CATSPERT: variants seen among roughly 807,000 people sequenced by gnomAD.
The protein encoded by CATSPERT is catsper channel auxiliary subunit tau.
At chr2:201,547,484 A>G in the CATSPERT span, 1 of 1,256,788 alleles carries the variant, frequency 8.0e-7, no homozygotes, top group Non-Finnish European at 1.1e-6. Flanking sequence ...TATATATAGG[A>G]GAATGTATTA....
At chr2:201,602,407 A>G in the CATSPERT span, among the ~76,000 whole-genome samples, 1 of 152,130 alleles carries the variant, frequency 6.6e-6, no homozygotes, top group African/African-American at 2.4e-5. Flanking sequence ...CTCATTATAC[A>G]GAATTATTTT....
the CATSPERT span, chr2:201,487,545 A>G: frequency 7.1e-7 from 1 of 1,400,618 alleles, no homozygotes; most frequent in Non-Finnish European, 9.8e-7. Context: ...TGATATTCTG[A>G]CTGCTGGCCT....
the CATSPERT span, among the ~76,000 whole-genome samples, chr2:201,606,445 T>C: frequency 1.7e-4 from 26 of 152,332 alleles, no homozygotes; most frequent in East Asian, 5.0e-3. Flanking sequence ...AAGTCTATTT[T>C]TATCCAACAA....
the CATSPERT span, among the ~76,000 whole-genome samples, chr2:201,580,569 T>A: frequency 6.6e-5 from 10 of 152,224 alleles, no homozygotes; most frequent in Non-Finnish European, 1.2e-4. Flanking sequence ...AGTCACGAAT[T>A]TTCCTTTATT....
At chr2:201,491,640 G>A in the CATSPERT span, 3 of 1,537,084 alleles carry the variant, frequency 2.0e-6, no homozygotes, top group Non-Finnish European at 1.7e-6. Flanking sequence ...AAGTGATTCT[G>A]TTTAAGTACT....
chr2:201,560,949 A>G, the CATSPERT span, among the ~76,000 whole-genome samples: 4 of 151,922 alleles, frequency 2.6e-5, no homozygotes, highest in South Asian at 4.2e-4. Flanking sequence ...CGCCTGGCTA[A>G]TTTTTGAATT....
chr2:201,546,998 T>C, the CATSPERT span, among the ~76,000 whole-genome samples: 1 of 152,034 alleles, frequency 6.6e-6, no homozygotes, highest in Non-Finnish European at 1.5e-5. Flanking sequence ...CTTAAAAACA[T>C]AGCAAGCAAA....
chr2:201,492,541 G>T, the CATSPERT span: 14 of 1,535,758 alleles, frequency 9.1e-6, no homozygotes, highest in East Asian at 7.4e-5. Flanking sequence ...GACACTTTTA[G>T]TCCTTAGAGA....
chr2:201,492,503 C>T, the CATSPERT span: 185 of 1,535,636 alleles, frequency 1.2e-4, no homozygotes, highest in Non-Finnish European at 1.6e-4. Context: ...TTTGAAATAT[C>T]TTGTTCTAGT....
At chr2:201,526,744 C>T in the CATSPERT span, among the ~76,000 whole-genome samples, 8 of 152,194 alleles carry the variant, frequency 5.3e-5, no homozygotes, top group Admixed American at 2.0e-4. Context: ...TCTCAAAAGA[C>T]GGCATCAGAG....
the CATSPERT span, among the ~76,000 whole-genome samples, chr2:201,499,946 C>G: frequency 6.6e-6 from 1 of 150,456 alleles, no homozygotes; most frequent in Non-Finnish European, 1.5e-5. Context: ...AACCCCCCTA[C>G]TACTATAGAA....
the CATSPERT span, among the ~76,000 whole-genome samples, chr2:201,591,843 G>A: frequency 4.6e-5 from 7 of 151,874 alleles, no homozygotes; most frequent in South Asian, 4.2e-4. Context: ...TTTGTATCCT[G>A]AGACTTTGCT....
the CATSPERT span, among the ~76,000 whole-genome samples, chr2:201,569,106 G>A: frequency 6.6e-6 from 1 of 152,078 alleles, no homozygotes; most frequent in South Asian, 2.1e-4. Flanking sequence ...CAAATACCAC[G>A]GTAAAAGGCC....
the CATSPERT span, among the ~76,000 whole-genome samples, chr2:201,614,339 C>G: frequency 6.6e-6 from 1 of 152,156 alleles, no homozygotes; most frequent in Non-Finnish European, 1.5e-5. Context: ...AAGGGAAGCC[C>G]ATCAGACTAA....
chr2:201,510,949 C>T, the CATSPERT span, among the ~76,000 whole-genome samples: 14 of 152,258 alleles, frequency 9.2e-5, no homozygotes, highest in African/African-American at 3.4e-4. Flanking sequence ...TTATCCAAAA[C>T]ATATAAAGCA....
chr2:201,544,031 C>T, the CATSPERT span, among the ~76,000 whole-genome samples: 1 of 152,074 alleles, frequency 6.6e-6, no homozygotes, highest in African/African-American at 2.4e-5. Flanking sequence ...ACGACAGGCC[C>T]CAGTGTGTGA....
chr2:201,571,813 T>G, the CATSPERT span: 1 of 731,308 alleles, frequency 1.4e-6, no homozygotes, highest in Non-Finnish European at 2.3e-6. Flanking sequence ...CACCTCAGAG[T>G]CTACCCCATC....
chr2:201,493,829 TA>T, the CATSPERT span: 1 of 1,536,030 alleles, frequency 6.5e-7, no homozygotes, highest in Non-Finnish European at 8.7e-7. Context: ...TTGGTACTAC[TA>T]TTTTTTTTAA....
the CATSPERT span, among the ~76,000 whole-genome samples, chr2:201,529,656 G>A: frequency 1.3e-5 from 2 of 151,988 alleles, no homozygotes; most frequent in African/African-American, 4.8e-5. Flanking sequence ...AGTTAATAGA[G>A]GAAAACATAA....
Sources: allele counts gnomAD v4.1 joint callset (sites outside exome capture counted in the v4.1 genomes callset), GRCh38; gene constraint gnomAD v4.1.1; transcripts MANE v1.5; gene names NCBI Gene and HGNC (gene_info 2026-07-23, HGNC 2026-07-21).